Variants in FAT3 observed in about 807,000 individuals in gnomAD.
FAT3 encodes the protein FAT atypical cadherin 3.
Under a neutral mutation model 310.2 loss-of-function variants are expected in FAT3, and 95 were observed. The ratio of observed to expected loss-of-function variants is 0.31; its 90% CI spans 0.26 to 0.36. The LOEUF is 0.36. FAT3 is among the 10% of genes least tolerant of loss of function. The probability of loss-of-function intolerance (pLI) is 1.00; values close to 1 mark genes in which losing one functional copy is unlikely to be tolerated. For missense variants in FAT3, 5,408 were observed against 5,715.6 expected (o/e 0.95, Z 1.74); for synonymous variants, 2,314 against 2,192.9 (o/e 1.06, Z -1.54).
At chr11:92,557,498 A>T (rs1488675344) in intron 3 of FAT3, among the ~76,000 whole-genome samples, 1 of 152,136 alleles carries the variant, frequency 6.6e-6, no homozygotes, top group Non-Finnish European at 1.5e-5. Flanking sequence ...CACTGCTGTG[A>T]CCAACTCTCA....
intron 3 of FAT3, among the ~76,000 whole-genome samples, chr11:92,689,224 A>G (rs769948489): frequency 3.9e-5 from 6 of 152,190 alleles, no homozygotes; most frequent in Non-Finnish European, 7.3e-5. Flanking sequence ...TAGCCAGTAT[A>G]CTACAATGCT....
In FAT3 at chr11:92,643,832, AT is replaced by A. The variant is rs1942049287; in HGVS notation, c.3608-53550del. ...CGGTATTGGGTAGGGGACTTTTATG[AT>A]TGGAACCTGACAATATTTCCAAGGC... On this transcript the variant is annotated intron_variant, in intron 3 of 27. Coordinates refer to ENST00000525166, the MANE Select transcript of FAT3 (RefSeq NM_001367949.2). Among the ~76,000 whole-genome samples the A allele has an allele frequency of 2.0e-5, 3 of 152,340 alleles. No individual in the cohort carries two copies. In the South Asian group the frequency reaches 6.2e-4, roughly 32 times the overall value.
Position 92,800,272 on chromosome 11 carries a change from A to T in FAT3, c.7259A>T (p.Asp2420Val), listed in dbSNP as rs569037870. 6.2e-7 allele frequency: 1 copy of T among 1,613,972 alleles called. No homozygotes were observed. Among genetic ancestry groups the T allele is most frequent in the South Asian group, 1.1e-5 (1 of 91,080 alleles). The change falls in exon 10 of 28, where the codon GAT becomes GTT. Residue 2420 changes from aspartate to valine, a missense_variant. Physicochemically the swap from Asp to Val is radical, Grantham distance 152. Coordinates refer to ENST00000525166, the MANE Select transcript of FAT3 (RefSeq NM_001367949.2). ...TTTGTAACCTGTGTACAAGCCTCTGATGCAGACAGCTCTGATTTTGACCGG... is the reference window on the plus strand; with the variant it reads ...TTTGTAACCTGTGTACAAGCCTCTGTTGCAGACAGCTCTGATTTTGACCGG... ...GHFVTCVQAS[D>V]ADSSDFDRLE...
intron 3 of FAT3, among the ~76,000 whole-genome samples, chr11:92,541,826 A>C (rs1231782008): frequency 6.6e-6 from 1 of 152,112 alleles, no homozygotes; most frequent in Non-Finnish European, 1.5e-5. Context: ...TACTTTTATA[A>C]ATAGGAGAAA....
chr11:92,809,696 G>T, intron 12 of FAT3, 147 bp from the exon 13 acceptor site: 1 of 621,292 alleles, frequency 1.6e-6, no homozygotes. Context: ...TGTTGAATTT[G>T]CTACATTTTT....
At chr11:92,302,585 A>G (rs922092674) in intron 1 of FAT3, among the ~76,000 whole-genome samples, 2 of 152,120 alleles carry the variant, frequency 1.3e-5, no homozygotes, top group Non-Finnish European at 2.9e-5. Context: ...AATATTATCT[A>G]ACCTCTATAG....
chr11:92,455,493 G>C (rs1280043336), intron 2 of FAT3, among the ~76,000 whole-genome samples: 2 of 152,132 alleles, frequency 1.3e-5, no homozygotes, highest in Non-Finnish European at 2.9e-5. Context: ...CTTACAGGTA[G>C]TGATCTGGGC....
chr11:92,749,148 T>C (rs1432405757), intron 4 of FAT3: 1 of 152,242 alleles, frequency 6.6e-6, no homozygotes, highest in African/African-American at 2.4e-5. Context: ...GTGAAACATT[T>C]TGAAGATAAA....
chr11:92,712,230 A>T (rs1417857387), intron 4 of FAT3, among the ~76,000 whole-genome samples: 1 of 152,112 alleles, frequency 6.6e-6, no homozygotes, highest in Non-Finnish European at 1.5e-5. Context: ...ATAAGGAGAA[A>T]GAAGAGCAGC....
At chr11:92,324,321 C>A (rs571328716) in intron 1 of FAT3, among the ~76,000 whole-genome samples, 2 of 152,310 alleles carry the variant, frequency 1.3e-5, no homozygotes, top group African/African-American at 2.4e-5. Flanking sequence ...CCTTACTAAG[C>A]TTAATCATTT....
rs1948588821 is a variant in FAT3, at chr11:92,352,268, G to A, written c.156G>A (p.Val52=). 1 of 1,444,176 alleles carries A rather than the reference G, an allele frequency of 6.9e-7. No homozygotes were observed. The highest frequency in any genetic ancestry group is 1.1e-5 in the South Asian group (1 of 88,776). 89.5% of individuals were successfully genotyped at this position (1,444,176 alleles called of 1,614,324 possible). The change falls in exon 2 of 28, where the codon GTG becomes GTA. Residue 52 remains valine, a synonymous_variant. Coordinates refer to ENST00000525166, the MANE Select transcript of FAT3 (RefSeq NM_001367949.2). ...CACATTCCATTTATAATGCTACCGTGTATGAGAACTCAGCAGCAAGGACCT... is the reference window on the plus strand; with the variant it reads ...CACATTCCATTTATAATGCTACCGTATATGAGAACTCAGCAGCAAGGACCT... ...HFTHSIYNAT[V]YENSAARTYV...
chr11:92,892,474 T>A lies in FAT3; in HGVS notation c.*1361T>A, dbSNP rs571104894. 1 of 151,806 alleles carries A rather than the reference T, an allele frequency of 6.6e-6. No individual in the cohort carries two copies. Among genetic ancestry groups the A allele is most frequent in the Non-Finnish European group, 1.5e-5 (1 of 68,030 alleles). The allele number at this position is 151,806 out of a possible 1,614,324, so 9.4% of individuals were successfully genotyped here. A position where few individuals can be genotyped will look rare whatever the true frequency, so the allele number is the denominator to read the frequency against. ...TCACCCAGGCTAGAGTGCAATGGCA[T>A]GATCTCAGCTCACTGCAATCTCCAC... is the stretch of plus-strand genomic sequence containing the variant. On this transcript the variant is annotated 3_prime_UTR_variant, in exon 28 of 28. Transcript: ENST00000525166.
chr11:92,482,980 G>T (rs1488388149), intron 2 of FAT3, among the ~76,000 whole-genome samples: 1 of 152,208 alleles, frequency 6.6e-6, no homozygotes, highest in East Asian at 1.9e-4. Flanking sequence ...GGAAAGGCAA[G>T]AAAAATTACT....
intron 4 of FAT3, among the ~76,000 whole-genome samples, chr11:92,716,802 G>T (rs1458892374): frequency 1.3e-5 from 2 of 152,276 alleles, no homozygotes; most frequent in East Asian, 3.9e-4. Flanking sequence ...GGAAAAGGAG[G>T]GAGGTTTCCC....
Position 92,883,432 on chromosome 11 carries a change from C to A in FAT3, c.12937+39C>A. 6.4e-7 allele frequency: 1 copy of A among 1,563,524 alleles called. No homozygotes were observed. Among genetic ancestry groups the A allele is most frequent in the South Asian group, 1.2e-5 (1 of 83,010 alleles). On this transcript the variant is annotated intron_variant, in intron 24 of 27. Transcript: ENST00000525166. The surrounding 1 kb of genome is among the most constrained non-coding windows in gnomAD (Gnocchi z 4.2). ...GGTAATGCTCACCCCTCGGTGCTTACAGGGAACCTGCAGGGGCGCTGTGCG... is the reference window on the plus strand; with the variant it reads ...GGTAATGCTCACCCCTCGGTGCTTAAAGGGAACCTGCAGGGGCGCTGTGCG...
chr11:92,824,700 TA>T (rs1948059711), intron 13 of FAT3, among the ~76,000 whole-genome samples: 1 of 152,154 alleles, frequency 6.6e-6, no homozygotes, highest in Non-Finnish European at 1.5e-5. Context: ...AACATGCTCT[TA>T]ACCTAGAAGG....
rs548622363 is a variant in FAT3 at position 92,295,911 on chromosome 11, G to A, written c.-17-56185G>A. ...TGGGACCCAGACATCAGATTTCAAT[G>A]TATAACCTTGGAGAACCAGTGTCTG... On this transcript the variant is annotated intron_variant, in intron 1 of 27. Transcript: ENST00000525166. 2.8e-4 allele frequency among the ~76,000 whole-genome samples: 43 copies of A among 152,236 alleles called. 1 individual carries two copies. The South Asian group carries it at 8.3e-3, about 29-fold the overall frequency.
intron 3 of FAT3, among the ~76,000 whole-genome samples, chr11:92,667,803 G>A (rs1284682707): frequency 6.6e-6 from 1 of 152,114 alleles, no homozygotes; most frequent in Non-Finnish European, 1.5e-5. Context: ...TGTGGAGCTG[G>A]GGCTTTTCCC....
chr11:92,504,580 T>C (rs1953044172), intron 2 of FAT3, among the ~76,000 whole-genome samples: 1 of 152,182 alleles, frequency 6.6e-6, no homozygotes, highest in Non-Finnish European at 1.5e-5. Context: ...TAATTGCTTA[T>C]GAATATATTA....
Sources: gnomAD v4.1 joint callset for allele counts (sites outside exome capture counted in the v4.1 genomes callset) on GRCh38, gnomAD v4.1.1 for gene constraint, Gnocchi (gnomAD v3.1) non-coding constraint, MANE v1.5 for transcripts, NCBI Gene and HGNC (gene_info 2026-07-23, HGNC 2026-07-21) for gene names.